The following SLC12A1 variants were observed in gnomAD, a reference collection of about 807,000 sequenced individuals.
SLC12A1 encodes solute carrier family 12 member 1.
Under a neutral mutation model 130.4 loss-of-function variants are expected in SLC12A1, and 89 were observed. That is an observed-to-expected ratio of 0.68 (90% CI 0.58 to 0.81). SLC12A1 has a LOEUF of 0.81. SLC12A1 is among the 40% of genes least tolerant of loss of function. The probability of loss-of-function intolerance (pLI) is 0.00; values close to 1 mark genes in which losing one functional copy is unlikely to be tolerated. For synonymous variants in SLC12A1, 499 were observed against 460.0 expected (o/e 1.08, Z -1.09); for missense variants, 1,310 against 1,336.4 (o/e 0.98, Z 0.31).
Position 48,236,867 on chromosome 15 carries a change from G to A in SLC12A1, c.1215+1863G>A. 3 of 488,314 alleles carry A rather than the reference G, an allele frequency of 6.1e-6. No individual in the cohort carries two copies. In the South Asian group the frequency reaches 1.1e-4, roughly 18 times the overall value. 30.2% of individuals were successfully genotyped at this position (488,314 alleles called of 1,614,324 possible). On this transcript the variant is annotated intron_variant, in intron 9 of 26. Coordinates refer to ENST00000380993, the MANE Select transcript of SLC12A1 (RefSeq NM_000338.3). ...TGATTTAAATTTCTGCAAATTATAA[G>A]CACACCTTTAAATTAAAGAATATTG...
At chr15:48,229,520 G>C (rs1237988302) in intron 6 of SLC12A1, among the ~76,000 whole-genome samples, 192 bp downstream of exon 6, 2 of 152,080 alleles carry the variant, frequency 1.3e-5, no homozygotes, top group Non-Finnish European at 2.9e-5. Context: ...AAGAAAGTTT[G>C]GATTAGTTCC....
intron 23 of SLC12A1, among the ~76,000 whole-genome samples, chr15:48,289,421 ATATATATAAT>A (rs1487859749): frequency 1.2e-4 from 15 of 127,928 alleles, no homozygotes; most frequent in Admixed American, 2.3e-4. Flanking sequence ...ATATATATAT[ATATATATAAT>A]GTATAACTAT....
intron 20 of SLC12A1, among the ~76,000 whole-genome samples, chr15:48,282,992 G>C (rs538453434): frequency 1.3e-5 from 2 of 152,242 alleles, no homozygotes; most frequent in South Asian, 4.2e-4. Context: ...GATGATAATA[G>C]TAGTAACTAT....
chr15:48,279,892 A>G (rs953127305), intron 20 of SLC12A1, among the ~76,000 whole-genome samples: 1 of 152,236 alleles, frequency 6.6e-6, no homozygotes, highest in African/African-American at 2.4e-5. Context: ...CAACCACTGC[A>G]GGATTGCTTC....
chr15:48,279,143 T>C (rs1267006121), intron 20 of SLC12A1, among the ~76,000 whole-genome samples: 4 of 152,230 alleles, frequency 2.6e-5, no homozygotes, highest in Non-Finnish European at 5.9e-5. Flanking sequence ...AGAAATTAAC[T>C]TTCCGCCACA....
Position 48,234,898 on chromosome 15 carries a change from T to C in SLC12A1, c.1109T>C (p.Phe370Ser), listed in dbSNP as rs2041422248. The change falls in exon 9 of 27, where the codon TTT (phenylalanine) becomes TCT (serine). Residue 370 changes from phenylalanine to serine, a missense_variant. Transcript: ENST00000380993. ...GCAGCATCAATATTTGCAGAAAACT[T>C]TGGGCCACGCTTCACAAAGGGTGAA... ...NYQASIFAENFGPRFTKGEGF... is the reference protein window; with the variant it reads ...NYQASIFAENSGPRFTKGEGF... 11 of 1,613,812 alleles carry C rather than the reference T, an allele frequency of 6.8e-6. No individual in the cohort carries two copies. The highest frequency in any genetic ancestry group is 9.3e-6 in the Non-Finnish European group (11 of 1,179,840).
intron 23 of SLC12A1, 129 bp from the exon 24 acceptor site, chr15:48,291,649 A>C: frequency 1.5e-6 from 1 of 662,434 alleles, no homozygotes; most frequent in South Asian, 1.7e-5. Context: ...ACCAACCAAA[A>C]AGCCTCTGTC....
At chr15:48,238,820 A>G (rs929004049) in intron 9 of SLC12A1, among the ~76,000 whole-genome samples, 2 of 152,198 alleles carry the variant, frequency 1.3e-5, no homozygotes, top group Non-Finnish European at 2.9e-5. Flanking sequence ...GGCATGTTAC[A>G]AAGTTCCCAT....
intron 20 of SLC12A1, among the ~76,000 whole-genome samples, chr15:48,280,054 C>T (rs1185086347): frequency 6.6e-6 from 1 of 151,892 alleles, no homozygotes; most frequent in Non-Finnish European, 1.5e-5. Flanking sequence ...TTCCATTCCC[C>T]AGTGGGTTTC....
chr15:48,243,765 CT>C (rs2041545466), intron 10 of SLC12A1, among the ~76,000 whole-genome samples: 1 of 152,208 alleles, frequency 6.6e-6, no homozygotes, highest in Admixed American at 6.5e-5. Flanking sequence ...ATTCCTGTCA[CT>C]GGGACCTGTC....
Position 48,285,183 on chromosome 15 carries a change from G to C in SLC12A1, c.2563G>C (p.Gly855Arg), listed in dbSNP as rs763821839. 6.2e-7 allele frequency: 1 copy of C among 1,613,790 alleles called. No individual in the cohort carries two copies. The highest frequency in any genetic ancestry group is 2.2e-5 in the East Asian group (1 of 44,864). Residue 855 changes from glycine to arginine, a missense_variant, in exon 21 of 27, where the codon GGA (glycine) becomes CGA (arginine). By Grantham distance (125) the Gly-to-Arg change is moderately radical (BLOSUM62 -2). Coordinates refer to ENST00000380993, the MANE Select transcript of SLC12A1 (RefSeq NM_000338.3). The part of the protein sequence containing the change: ...IKDNECEEES[G>R]GIRGLFKKAG... The stretch of plus-strand genomic sequence containing the variant: ...AGATAATGAGTGTGAAGAGGAAAGT[G>C]GAGGCATCCGAGGCTTGTTTAAAAA...
intron 10 of SLC12A1, 121 bp downstream of exon 10, chr15:48,241,720 C>T (rs1183621369): frequency 8.3e-6 from 6 of 720,614 alleles, no homozygotes; most frequent in Admixed American, 2.1e-5. Context: ...ATTTTAATTC[C>T]GTTCTTGGTA....
chr15:48,227,093 A>T, intron 5 of SLC12A1: 1 of 1,552,108 alleles, frequency 6.4e-7, no homozygotes. Context: ...TGGAGTCATC[A>T]TCATTGGCCT....
In SLC12A1 at chr15:48,221,011, C is replaced by T; in HGVS notation, c.628+15C>T. ...AGCTGGAATTGGTAAGCATTTTTCC[C>T]CTCCTAAATAATTTTGCATGTAAAT... On this transcript the variant is annotated intron_variant, in intron 4 of 26. Coordinates refer to ENST00000380993, the MANE Select transcript of SLC12A1 (RefSeq NM_000338.3). 6.2e-7 allele frequency: 1 copy of T among 1,611,308 alleles called. No homozygotes were observed. Among genetic ancestry groups the T allele is most frequent in the Non-Finnish European group, 8.5e-7 (1 of 1,177,554 alleles).
intron 2 of SLC12A1, among the ~76,000 whole-genome samples, chr15:48,212,402 G>A (rs1328355095): frequency 6.6e-6 from 1 of 152,022 alleles, no homozygotes; most frequent in African/African-American, 2.4e-5. Flanking sequence ...TTTCAAACAT[G>A]TACCAGACGT....
intron 1 of SLC12A1, 109 bp downstream of exon 1, chr15:48,206,439 G>T (rs1298062801): frequency 6.6e-6 from 1 of 152,158 alleles, no homozygotes; most frequent in Non-Finnish European, 1.5e-5. Context: ...GAAGTGTTTT[G>T]TAAAAACTAA....
At chr15:48,222,278 G>A (rs2141020593) in intron 4 of SLC12A1, 1 of 152,078 alleles carries the variant, frequency 6.6e-6, no homozygotes, top group South Asian at 2.1e-4. Context: ...GTAGCCAAGG[G>A]CAAGAGTAAT....
intron 9 of SLC12A1, among the ~76,000 whole-genome samples, chr15:48,236,460 C>T (rs924561684): frequency 1.3e-5 from 2 of 152,138 alleles, no homozygotes; most frequent in South Asian, 4.1e-4. Flanking sequence ...ACTGGAGAAA[C>T]CCTGATGGGG....
chr15:48,221,379 A>T, intron 4 of SLC12A1: 1 of 701,692 alleles, frequency 1.4e-6, no homozygotes, highest in Non-Finnish European at 2.6e-6. Context: ...TCACTGAACA[A>T]AAATAACTTG....
Sources: allele counts gnomAD v4.1 joint callset (sites outside exome capture counted in the v4.1 genomes callset), GRCh38; gene constraint gnomAD v4.1.1; transcripts MANE v1.5; gene names NCBI Gene and HGNC (gene_info 2026-07-23, HGNC 2026-07-21).